KCNK9: variants seen among roughly 807,000 people sequenced by gnomAD.
KCNK9 encodes potassium two pore domain channel subfamily K member 9, also known as potassium channel subfamily K member 9.
KCNK9 carries 1 observed loss-of-function variant against 10.8 expected under a neutral mutation model. The observed-to-expected ratio is 0.09, with a 90% CI of 0.03 to 0.44. The LOEUF (loss-of-function observed/expected upper bound fraction) is 0.44, where lower values mean the gene tolerates loss of function less well. Ranked by LOEUF, KCNK9 falls within the 20% of genes least tolerant of loss-of-function variation. The pLI is 0.97. For missense variants in KCNK9, 303 were observed against 515.0 expected, an observed-to-expected ratio of 0.59 and a Z score of 3.98; for synonymous variants, 231 against 222.7, an observed-to-expected ratio of 1.04 and a Z score of -0.33.
chr8:139,618,102 G>T lies in KCNK9; in HGVS notation c.*156C>A. Reference sequence around the variant, plus strand: ...TGCTCTGTCTGGCTGGAAAGGTGGGGGAAAATGAGACCAAGAGACCAAGAA... The same window carrying T: ...TGCTCTGTCTGGCTGGAAAGGTGGGTGAAAATGAGACCAAGAGACCAAGAA... On this transcript the variant is annotated 3_prime_UTR_variant, in exon 2 of 2. Transcript: ENST00000520439. The surrounding 1 kb of genome is among the most constrained non-coding windows in gnomAD (Gnocchi z 7.9). 1 of 1,070,082 alleles carries T rather than the reference G, an allele frequency of 9.3e-7. No individual in the cohort carries two copies. The highest frequency in any genetic ancestry group is 1.3e-6 in the Non-Finnish European group (1 of 745,208). 66.3% of individuals were successfully genotyped at this position (1,070,082 alleles called of 1,614,324 possible).
chr8:139,603,682 G>A (rs186888498), intron 2 of KCNK9, among the ~76,000 whole-genome samples: 1 of 152,298 alleles, frequency 6.6e-6, no homozygotes, highest in Non-Finnish European at 1.5e-5. Context: ...CATCAGAGCA[G>A]GTCTTGTCCA....
intron 1 of KCNK9, among the ~76,000 whole-genome samples, chr8:139,635,359 T>C (rs1815306802): frequency 6.6e-6 from 1 of 152,242 alleles, no homozygotes; most frequent in Non-Finnish European, 1.5e-5. Flanking sequence ...CGTTGCTCAC[T>C]GTCCCCTGAG....
At chr8:139,663,690 A>T (rs1278985140) in intron 1 of KCNK9, among the ~76,000 whole-genome samples, 8 of 115,852 alleles carry the variant, frequency 6.9e-5, no homozygotes, top group East Asian at 2.7e-4. Flanking sequence ...TGTTAGAGAG[A>T]GAGATAGAGA....
intron 1 of KCNK9, among the ~76,000 whole-genome samples, chr8:139,664,575 G>A (rs1816250337): frequency 6.6e-6 from 1 of 152,158 alleles, no homozygotes. Flanking sequence ...TTAGCCACCA[G>A]GAGCTGGCAG....
intron 1 of KCNK9, among the ~76,000 whole-genome samples, chr8:139,659,785 G>T (rs1267184701): frequency 6.6e-6 from 1 of 150,758 alleles, no homozygotes; most frequent in Non-Finnish European, 1.5e-5. Context: ...GCCTCCCAAA[G>T]TGCTGGGAAT....
At chr8:139,641,536 C>T (rs530164815) in intron 1 of KCNK9, among the ~76,000 whole-genome samples, 5 of 152,266 alleles carry the variant, frequency 3.3e-5, no homozygotes, top group African/African-American at 7.2e-5. Flanking sequence ...CGTCGATGAC[C>T]GGAGCCTGCT....
chr8:139,666,776 C>T (rs1280958155), intron 1 of KCNK9, among the ~76,000 whole-genome samples: 1 of 152,266 alleles, frequency 6.6e-6, no homozygotes, highest in Non-Finnish European at 1.5e-5. Context: ...TCTTTACCAA[C>T]ATCTGGCTTG....
intron 1 of KCNK9, among the ~76,000 whole-genome samples, chr8:139,645,294 C>T (rs550589554): frequency 6.6e-6 from 1 of 152,220 alleles, no homozygotes; most frequent in South Asian, 2.1e-4. Context: ...TCTAAAGGCT[C>T]AGACCGGCCC....
chr8:139,610,094 C>G (rs577379277), downstream of KCNK9, among the ~76,000 whole-genome samples: 2 of 152,330 alleles, frequency 1.3e-5, no homozygotes, highest in African/African-American at 4.8e-5. Flanking sequence ...CTCCACCACC[C>G]AGAGGCCTCA....
intron 1 of KCNK9, among the ~76,000 whole-genome samples, chr8:139,650,677 T>C (rs77471359): frequency 0.011 from 1,652 of 152,282 alleles, 35 homozygotes; most frequent in African/African-American, 0.037. Context: ...CGGATAGAGA[T>C]GGAAAGTTTA....
At chr8:139,647,863 G>A (rs1449378562) in intron 1 of KCNK9, among the ~76,000 whole-genome samples, 8 of 152,174 alleles carry the variant, frequency 5.3e-5, no homozygotes, top group Admixed American at 4.6e-4. Flanking sequence ...CGCAGCTGCT[G>A]TGGAAGGTCA....
intron 1 of KCNK9, among the ~76,000 whole-genome samples, chr8:139,695,899 G>T (rs1365977384): frequency 1.3e-5 from 2 of 152,162 alleles, no homozygotes; most frequent in East Asian, 3.9e-4. Flanking sequence ...AGTCAGAGGG[G>T]CCAACCCTCT....
At chr8:139,604,219 C>G (rs1817435468) in intron 2 of KCNK9, among the ~76,000 whole-genome samples, 1 of 152,172 alleles carries the variant, frequency 6.6e-6, no homozygotes, top group South Asian at 2.1e-4. Flanking sequence ...AGATATGGCT[C>G]TAGGGTAGAG....
At chr8:139,700,260 G>T (rs1389734154) in intron 1 of KCNK9, among the ~76,000 whole-genome samples, 1 of 152,148 alleles carries the variant, frequency 6.6e-6, no homozygotes, top group Admixed American at 6.5e-5. Flanking sequence ...GCAGCCCGCG[G>T]GATCTCAGCT....
chr8:139,696,922 T>A (rs957591911), intron 1 of KCNK9, among the ~76,000 whole-genome samples: 6 of 138,516 alleles, frequency 4.3e-5, no homozygotes, highest in Non-Finnish European at 9.2e-5. Context: ...AGTGGGTGGA[T>A]GGATAGATGG....
chr8:139,651,840 C>T (rs1444531435), intron 1 of KCNK9, among the ~76,000 whole-genome samples: 1 of 152,172 alleles, frequency 6.6e-6, no homozygotes, highest in African/African-American at 2.4e-5. Context: ...TGGCCCAAGT[C>T]CTTACCTGCT....
At chr8:139,643,227 A>C (rs1358140713) in intron 1 of KCNK9, among the ~76,000 whole-genome samples, 2 of 152,172 alleles carry the variant, frequency 1.3e-5, no homozygotes, top group African/African-American at 4.8e-5. Context: ...CCTAAAACCC[A>C]AAAGGCCAGT....
chr8:139,609,058 T>G (rs1345445845), downstream of KCNK9, among the ~76,000 whole-genome samples: 1 of 148,754 alleles, frequency 6.7e-6, no homozygotes, highest in Non-Finnish European at 1.5e-5. Context: ...TCCTGAGGCA[T>G]GCCCCTATCT....
intron 1 of KCNK9, among the ~76,000 whole-genome samples, chr8:139,667,768 AG>A (rs540106591): frequency 8.9e-4 from 136 of 152,248 alleles, no homozygotes; most frequent in African/African-American, 3.1e-3. Context: ...CCAACATAGG[AG>A]AACAATTCCT....
Sources: gnomAD v4.1 joint callset for allele counts (sites outside exome capture counted in the v4.1 genomes callset) on GRCh38, gnomAD v4.1.1 for gene constraint, Gnocchi (gnomAD v3.1) non-coding constraint, MANE v1.5 for transcripts, NCBI Gene and HGNC (gene_info 2026-07-23, HGNC 2026-07-21) for gene names.